The following SKAP1 variants were observed in gnomAD, a reference collection of about 807,000 sequenced individuals.
The protein encoded by SKAP1 is src kinase-associated phosphoprotein 1.
In SKAP1, 44 loss-of-function variants were observed where a neutral mutation model predicts 58.5. That is an observed-to-expected ratio of 0.75 (90% CI 0.59 to 0.97). SKAP1 has a LOEUF of 0.97. SKAP1 is among the 50% of genes least tolerant of loss of function. SKAP1 has a pLI of 0.00. For missense variants in SKAP1, 390 were observed against 435.2 expected (o/e 0.90, Z 0.92); for synonymous variants, 127 against 149.7 (o/e 0.85, Z 1.11).
At chr17:48,195,130 A>T (rs932054632) in intron 4 of SKAP1, among the ~76,000 whole-genome samples, 6 of 152,098 alleles carry the variant, frequency 3.9e-5, no homozygotes, top group African/African-American at 1.4e-4. Context: ...GTGGATTTCA[A>T]ATCTGTTCAT....
chr17:48,412,157 T>G (rs1286036873), intron 1 of SKAP1, among the ~76,000 whole-genome samples: 1 of 152,186 alleles, frequency 6.6e-6, no homozygotes, highest in African/African-American at 2.4e-5. Flanking sequence ...CCTATTAATT[T>G]AAAAAGTGGC....
intron 3 of SKAP1, among the ~76,000 whole-genome samples, chr17:48,353,292 T>C (rs1307249806): frequency 6.6e-6 from 1 of 152,196 alleles, no homozygotes; most frequent in Non-Finnish European, 1.5e-5. Context: ...AAATATAGCA[T>C]TGACCTGGCT....
At chr17:48,306,011 G>A (rs2066136375) in intron 4 of SKAP1, among the ~76,000 whole-genome samples, 1 of 152,154 alleles carries the variant, frequency 6.6e-6, no homozygotes, top group Admixed American at 6.5e-5. Flanking sequence ...AAGACAAGTT[G>A]TGGAACATTT....
intron 5 of SKAP1, among the ~76,000 whole-genome samples, chr17:48,188,768 G>A (rs1469376136): frequency 1.3e-5 from 2 of 151,972 alleles, no homozygotes; most frequent in South Asian, 2.1e-4. Flanking sequence ...GGAGGCTGAG[G>A]CGGGCAGATC....
chr17:48,297,302 C>G (rs562064220), intron 4 of SKAP1, among the ~76,000 whole-genome samples: 1 of 152,252 alleles, frequency 6.6e-6, no homozygotes, highest in East Asian at 1.9e-4. Context: ...ATAAATGAAT[C>G]AGTCCTGTGT....
chr17:48,374,208 T>G lies in SKAP1; in HGVS notation c.153-10394A>C, dbSNP rs572637183. On this transcript the variant is annotated intron_variant, in intron 2 of 12. Transcript: ENST00000336915. ...CTCCACCATGCCTGGCTAATTTTTGTTTTTTTTTTTTTTGTACAGACAGGG... is the reference window on the plus strand; with the variant it reads ...CTCCACCATGCCTGGCTAATTTTTGGTTTTTTTTTTTTTGTACAGACAGGG... 1.7e-4 allele frequency among the ~76,000 whole-genome samples: 4 copies of G among 23,246 alleles called. No homozygotes were observed. The East Asian group carries it at 2.4e-3, about 14-fold the overall frequency. The allele number at this position is 23,246 out of a possible 152,430, so 15.3% of individuals were successfully genotyped here. A position where few individuals can be genotyped will look rare whatever the true frequency, so the allele number is the denominator to read the frequency against.
At chr17:48,177,655 T>C (rs1010153503) in intron 9 of SKAP1, among the ~76,000 whole-genome samples, 1 of 152,014 alleles carries the variant, frequency 6.6e-6, no homozygotes, top group Non-Finnish European at 1.5e-5. Context: ...TCTTAATTTC[T>C]CCAGGTGTGG....
intron 4 of SKAP1, among the ~76,000 whole-genome samples, chr17:48,325,152 G>A (rs1335973827): frequency 2.0e-5 from 3 of 150,618 alleles, no homozygotes; most frequent in African/African-American, 7.3e-5. Flanking sequence ...GGGAGGCTGA[G>A]GCAGGAGAAT....
At chr17:48,271,067 T>C (rs2065626062) in intron 4 of SKAP1, among the ~76,000 whole-genome samples, 1 of 152,096 alleles carries the variant, frequency 6.6e-6, no homozygotes, top group Admixed American at 6.5e-5. Context: ...TTTTTAAACA[T>C]TTCCTGTAGC....
chr17:48,416,180 A>T (rs2067729393), intron 1 of SKAP1, among the ~76,000 whole-genome samples: 1 of 151,454 alleles, frequency 6.6e-6, no homozygotes, highest in South Asian at 2.1e-4. Context: ...TTTCAGCCTC[A>T]TCTTCTCTTA....
chr17:48,304,929 T>C (rs542292132), intron 4 of SKAP1, among the ~76,000 whole-genome samples: 5 of 152,180 alleles, frequency 3.3e-5, no homozygotes, highest in Non-Finnish European at 7.4e-5. Flanking sequence ...TTTTTTTCTT[T>C]AATAGTAGTA....
intron 1 of SKAP1, among the ~76,000 whole-genome samples, chr17:48,418,783 C>T (rs986809986): frequency 2.6e-5 from 4 of 152,142 alleles, no homozygotes; most frequent in Admixed American, 6.5e-5. Context: ...CAAACCAATA[C>T]ACACAATAAC....
intron 4 of SKAP1, among the ~76,000 whole-genome samples, chr17:48,259,956 T>C (rs940036721): frequency 6.6e-6 from 1 of 152,096 alleles, no homozygotes. Context: ...GAAGCTTCCT[T>C]AAAAACAAGT....
At chr17:48,232,597 G>A (rs2065137744) in intron 4 of SKAP1, among the ~76,000 whole-genome samples, 1 of 152,202 alleles carries the variant, frequency 6.6e-6, no homozygotes, top group African/African-American at 2.4e-5. Context: ...TATGGGAACA[G>A]TATGGAGTTA....
chr17:48,247,860 C>G (rs1487999229), intron 4 of SKAP1, among the ~76,000 whole-genome samples: 1 of 152,184 alleles, frequency 6.6e-6, no homozygotes, highest in Non-Finnish European at 1.5e-5. Flanking sequence ...AGGCATATCT[C>G]TATTACAATG....
intron 4 of SKAP1, among the ~76,000 whole-genome samples, chr17:48,241,889 C>CT (rs1481428898): frequency 1.3e-5 from 2 of 152,106 alleles, no homozygotes; most frequent in African/African-American, 4.8e-5. Context: ...ACTTTCCATT[C>CT]TTTGCTGGTA....
chr17:48,261,481 C>T (rs374213345), intron 4 of SKAP1, among the ~76,000 whole-genome samples: 6 of 152,166 alleles, frequency 3.9e-5, no homozygotes, highest in African/African-American at 7.2e-5. Flanking sequence ...CAGTAGGGGG[C>T]GTTTTACGCT....
At chr17:48,166,276 A>G (rs1468318716) in intron 10 of SKAP1, among the ~76,000 whole-genome samples, 1 of 152,242 alleles carries the variant, frequency 6.6e-6, no homozygotes, top group East Asian at 1.9e-4. Context: ...GAATAGCAAC[A>G]GAACAAGTTA....
At chr17:48,320,289 A>C (rs1190454816) in intron 4 of SKAP1, among the ~76,000 whole-genome samples, 1 of 152,198 alleles carries the variant, frequency 6.6e-6, no homozygotes, top group African/African-American at 2.4e-5. Context: ...AAAGCCCCTA[A>C]GTCTATTCTG....
Sources: gnomAD v4.1 joint callset for allele counts (sites outside exome capture counted in the v4.1 genomes callset) on GRCh38, gnomAD v4.1.1 for gene constraint, MANE v1.5 for transcripts, NCBI Gene and HGNC (gene_info 2026-07-23, HGNC 2026-07-21) for gene names.